The following KAZN variants were observed in gnomAD, a reference collection of about 807,000 sequenced individuals.
KAZN encodes kazrin, periplakin interacting protein, also known as kazrin.
A neutral mutation model predicts 87.4 loss-of-function variants in KAZN; 40 were observed. That is an observed-to-expected ratio of 0.46 (90% CI 0.36 to 0.60). KAZN has a LOEUF of 0.60. Among genes scored for constraint, KAZN ranks in the 20% least tolerant of loss-of-function variants. The pLI, the probability that KAZN is intolerant of heterozygous loss-of-function variation, is 0.00. For synonymous variants in KAZN, 466 were observed against 458.3 expected (o/e 1.02, Z -0.22); for missense variants, 898 against 1,073.9 (o/e 0.84, Z 2.29).
chr1:14,511,419 G>T (rs572414164), intron 2 of KAZN, among the ~76,000 whole-genome samples: 30 of 152,302 alleles, frequency 2.0e-4, no homozygotes, highest in Non-Finnish European at 3.1e-4. Context: ...TAGTAAAAGA[G>T]AGTTTGGGGA....
chr1:15,101,921 A>G (rs2100713503), intron 11 of KAZN, 147 bp downstream of exon 11: 1 of 648,258 alleles, frequency 1.5e-6, no homozygotes, highest in East Asian at 2.7e-5. Context: ...TTTATTGATC[A>G]TCCGTCCATC....
intron 1 of KAZN, among the ~76,000 whole-genome samples, chr1:14,135,476 T>C (rs1455333547): frequency 2.0e-5 from 3 of 152,252 alleles, no homozygotes; most frequent in South Asian, 2.1e-4. Flanking sequence ...CTGAAATGTT[T>C]ATGAAAACAG....
chr1:14,408,327 T>C (rs72870817), intron 2 of KAZN, among the ~76,000 whole-genome samples: 3,169 of 152,224 alleles, frequency 0.021, 106 homozygotes, highest in African/African-American at 0.07. Context: ...GGGGAGTCCT[T>C]TGAGCATCTG....
chr1:14,628,842 CT>C (rs67908811), intron 1 of KAZN, among the ~76,000 whole-genome samples: 14,902 of 126,770 alleles, frequency 0.12, 1,572 homozygotes, highest in African/African-American at 0.31. Context: ...CTTTCACATT[CT>C]TTTTTTTTTT....
chr1:14,688,401 G>T (rs750226337), intron 1 of KAZN, among the ~76,000 whole-genome samples: 2 of 152,218 alleles, frequency 1.3e-5, no homozygotes, highest in African/African-American at 2.4e-5. Flanking sequence ...CAGGCAGCAG[G>T]TGCTGGGTCT....
chr1:15,050,713 A>G (rs114934472), intron 4 of KAZN, among the ~76,000 whole-genome samples: 9,142 of 152,186 alleles, frequency 0.06, 310 homozygotes, highest in African/African-American at 0.091. Flanking sequence ...GTCTGAACCC[A>G]GAGTGGTGGG....
chr1:14,557,352 C>A (rs1156862359), intron 2 of KAZN, among the ~76,000 whole-genome samples: 2 of 151,854 alleles, frequency 1.3e-5, no homozygotes, highest in Admixed American at 6.6e-5. Context: ...TAAATGGGTA[C>A]CAGTTAAAGG....
chr1:14,419,939 T>C (rs919503264), intron 2 of KAZN, among the ~76,000 whole-genome samples: 2 of 152,110 alleles, frequency 1.3e-5, no homozygotes, highest in Non-Finnish European at 2.9e-5. Flanking sequence ...AGAACAAAAC[T>C]TCCACAAGGT....
intron 8 of KAZN, among the ~76,000 whole-genome samples, chr1:15,071,479 G>A (rs1196509777): frequency 5.9e-5 from 9 of 152,114 alleles, no homozygotes; most frequent in East Asian, 1.9e-4. Context: ...GATTTTGAAC[G>A]CCTGACCTCA....
intron 2 of KAZN, among the ~76,000 whole-genome samples, chr1:14,551,971 T>A (rs967993815): frequency 6.6e-6 from 1 of 151,824 alleles, no homozygotes; most frequent in African/African-American, 2.4e-5. Flanking sequence ...TCTCTCTTCT[T>A]TTTATTTCTT....
chr1:15,002,018 C>T (rs113515243), intron 2 of KAZN, among the ~76,000 whole-genome samples: 3,345 of 151,598 alleles, frequency 0.022, 110 homozygotes, highest in African/African-American at 0.076. Context: ...GTAGCTGGGA[C>T]TACAGGCGCC....
intron 1 of KAZN, among the ~76,000 whole-genome samples, chr1:14,683,983 C>T (rs1214890199): frequency 6.6e-6 from 1 of 152,140 alleles, no homozygotes; most frequent in Non-Finnish European, 1.5e-5. Flanking sequence ...TTCTGAAATA[C>T]AACAAGAGTT....
rs145209180 is a variant in KAZN at position 14,799,909 on chromosome 1, A to G, written c.227-160775A>G. Among the ~76,000 whole-genome samples, 286 of 152,310 alleles carry G rather than the reference A, an allele frequency of 1.9e-3. 3 individuals are homozygous for G. The highest frequency in any genetic ancestry group is 6.3e-3 in the African/African-American group (260 of 41,578). On this transcript the variant is annotated intron_variant, in intron 1 of 14. Coordinates refer to ENST00000376030, the MANE Select transcript of KAZN (RefSeq NM_201628.3). ...ATTTTTATATCTTCATGTTTTTCTA[A>G]TGAAACGGTATTAGATAATAGATGT...
chr1:15,026,876 C>T (rs528796210), intron 2 of KAZN, among the ~76,000 whole-genome samples: 2 of 152,092 alleles, frequency 1.3e-5, no homozygotes, highest in South Asian at 2.1e-4. Flanking sequence ...TTACAGTACA[C>T]GGGAGGACGT....
At chr1:14,044,347 A>G (rs779584415) in intron 1 of KAZN, among the ~76,000 whole-genome samples, 1 of 151,800 alleles carries the variant, frequency 6.6e-6, no homozygotes, top group Non-Finnish European at 1.5e-5. Context: ...TTAAGAGTAC[A>G]GTGAGTAAAT....
chr1:15,008,623 C>A (rs887524875), intron 2 of KAZN, among the ~76,000 whole-genome samples: 1 of 152,210 alleles, frequency 6.6e-6, no homozygotes, highest in Non-Finnish European at 1.5e-5. Flanking sequence ...GGTTATGTGA[C>A]CTGCACAGGT....
chr1:14,975,671 TTTTTCCCA>T (rs1665519310), intron 2 of KAZN, among the ~76,000 whole-genome samples: 1 of 152,186 alleles, frequency 6.6e-6, no homozygotes, highest in Non-Finnish European at 1.5e-5. Context: ...CTGTGAGTTG[TTTTTCCCA>T]TTTTGCACAT....
At chr1:14,509,415 G>T (rs963338408) in intron 2 of KAZN, among the ~76,000 whole-genome samples, 5 of 152,192 alleles carry the variant, frequency 3.3e-5, no homozygotes, top group African/African-American at 1.2e-4. Context: ...AACCAGTGTG[G>T]CATGTCCATG....
At chr1:14,686,655 C>G (rs557707530) in intron 1 of KAZN, among the ~76,000 whole-genome samples, 1 of 152,262 alleles carries the variant, frequency 6.6e-6, no homozygotes, top group Non-Finnish European at 1.5e-5. Context: ...CACCCTCCCT[C>G]AGCTTTGCCT....
Sources: allele counts gnomAD v4.1 joint callset (sites outside exome capture counted in the v4.1 genomes callset), GRCh38; gene constraint gnomAD v4.1.1; transcripts MANE v1.5; gene names NCBI Gene and HGNC (gene_info 2026-07-23, HGNC 2026-07-21).